TLN2: variants seen among roughly 807,000 people sequenced by gnomAD.
The protein encoded by TLN2 is talin 2.
TLN2 carries 118 observed loss-of-function variants against 294.7 expected under a neutral mutation model. That is an observed-to-expected ratio of 0.40 (90% CI 0.34 to 0.47). TLN2 has a LOEUF of 0.47. Ranked by LOEUF, TLN2 falls within the 20% of genes least tolerant of loss-of-function variation. TLN2 has a pLI of 0.84. For synonymous variants in TLN2, 1,431 were observed against 1,304.5 expected (o/e 1.10, Z -2.09); for missense variants, 3,083 against 3,282.2 (o/e 0.94, Z 1.48).
intron 1 of TLN2, among the ~76,000 whole-genome samples, chr15:62,445,158 G>A (rs950270351): frequency 9.2e-5 from 14 of 152,124 alleles, no homozygotes; most frequent in African/African-American, 3.4e-4. Context: ...CTGTTGAAAT[G>A]CCCAGGCTGC....
intron 46 of TLN2, among the ~76,000 whole-genome samples, chr15:62,795,145 A>G (rs2065378115): frequency 6.6e-6 from 1 of 151,980 alleles, no homozygotes. Context: ...GAGGCACAGG[A>G]TGATACATCC....
At chr15:62,668,095 T>C (rs1007152574) in intron 9 of TLN2, among the ~76,000 whole-genome samples, 2 of 152,118 alleles carry the variant, frequency 1.3e-5, no homozygotes, top group Non-Finnish European at 2.9e-5. Context: ...CAGGCTCAGT[T>C]ACATAGCATA....
intron 57 of TLN2, 35 bp from the exon 58 acceptor site, chr15:62,838,821 C>G (rs1192829491): frequency 6.2e-7 from 1 of 1,606,020 alleles, no homozygotes; most frequent in Non-Finnish European, 8.5e-7. Context: ...ATGGCTGTTT[C>G]TAATGATATA....
chr15:62,667,086 C>T (rs1156884399), intron 9 of TLN2, among the ~76,000 whole-genome samples: 2 of 152,228 alleles, frequency 1.3e-5, no homozygotes, highest in Non-Finnish European at 2.9e-5. Context: ...CTGCCTCAGC[C>T]TCCCGAGTAG....
chr15:62,833,783 C>G, intron 55 of TLN2, 154 bp downstream of exon 55: 1 of 1,105,536 alleles, frequency 9.0e-7, no homozygotes, highest in Non-Finnish European at 1.2e-6. Flanking sequence ...CGACTGAAAA[C>G]TACAGCCTTC....
chr15:62,662,347 A>G (rs1270691087), intron 9 of TLN2, among the ~76,000 whole-genome samples: 2 of 152,214 alleles, frequency 1.3e-5, no homozygotes, highest in African/African-American at 2.4e-5. Flanking sequence ...TCAAAAAACA[A>G]CAAACACTAG....
chr15:62,837,631 T>C (rs2069888234), intron 57 of TLN2, among the ~76,000 whole-genome samples: 1 of 152,204 alleles, frequency 6.6e-6, no homozygotes, highest in African/African-American at 2.4e-5. Context: ...TCCCTGGGGC[T>C]AGATGGACCT....
intron 2 of TLN2, among the ~76,000 whole-genome samples, chr15:62,591,079 G>A (rs2046042260): frequency 6.6e-6 from 1 of 151,968 alleles, no homozygotes; most frequent in East Asian, 1.9e-4. Flanking sequence ...TGTATTTTGT[G>A]TGTGGAATTT....
At chr15:62,745,749 A>G (rs2061573660) in intron 32 of TLN2, among the ~76,000 whole-genome samples, 1 of 152,210 alleles carries the variant, frequency 6.6e-6, no homozygotes, top group South Asian at 2.1e-4. Context: ...TTGCTCTTAT[A>G]AATAGCTGCT....
At chr15:62,595,486 A>C (rs4774440) in intron 2 of TLN2, among the ~76,000 whole-genome samples, 27,918 of 151,692 alleles carry the variant, frequency 0.18, 3,218 homozygotes, top group East Asian at 0.41. Context: ...ATGCTTGTAC[A>C]TCACTGGAAA....
chr15:62,612,943 T>C (rs557102856), intron 2 of TLN2, among the ~76,000 whole-genome samples: 3 of 152,350 alleles, frequency 2.0e-5, no homozygotes, highest in African/African-American at 7.2e-5. Flanking sequence ...ATGCCAGAGA[T>C]AGTTCACAGG....
At chr15:62,414,558 G>A (rs12595112) in intron 1 of TLN2, among the ~76,000 whole-genome samples, 26,467 of 139,794 alleles carry the variant, frequency 0.19, 6,210 homozygotes, top group East Asian at 0.55. Context: ...AGGAACCGTT[G>A]TTTTAACAAG....
chr15:62,667,918 C>A (rs112543311), intron 9 of TLN2, among the ~76,000 whole-genome samples: 39 of 152,274 alleles, frequency 2.6e-4, no homozygotes, highest in African/African-American at 9.1e-4. Context: ...ACCTAGAGGA[C>A]ATTATTATGT....
At chr15:62,664,710 T>C (rs1000004833) in intron 9 of TLN2, among the ~76,000 whole-genome samples, 1 of 151,410 alleles carries the variant, frequency 6.6e-6, no homozygotes, top group Non-Finnish European at 1.5e-5. Context: ...GATACAAAAT[T>C]AGCTGGGCGT....
intron 3 of TLN2, among the ~76,000 whole-genome samples, chr15:62,646,288 G>A (rs1042943079): frequency 3.3e-5 from 5 of 151,718 alleles, no homozygotes; most frequent in Admixed American, 6.6e-5. Flanking sequence ...TCAGCCTCCC[G>A]AGTAGCTGGG....
chr15:62,538,964 A>G (rs908450160), intron 1 of TLN2, among the ~76,000 whole-genome samples: 6 of 152,216 alleles, frequency 3.9e-5, no homozygotes, highest in African/African-American at 1.2e-4. Flanking sequence ...TAAAATGTAA[A>G]AGATCTTAAA....
At chr15:62,746,264 A>G (rs2061603659) in intron 32 of TLN2, among the ~76,000 whole-genome samples, 1 of 152,210 alleles carries the variant, frequency 6.6e-6, no homozygotes, top group Non-Finnish European at 1.5e-5. Flanking sequence ...AGCCTATCTC[A>G]GAAGCGTGTC....
chr15:62,448,844 C>A (rs1225819223), intron 1 of TLN2, among the ~76,000 whole-genome samples: 1 of 152,154 alleles, frequency 6.6e-6, no homozygotes, highest in East Asian at 1.9e-4. Context: ...GCAGCTCATC[C>A]CATCAGGAGG....
chr15:62,650,726 G>C (rs2052496659), intron 5 of TLN2, among the ~76,000 whole-genome samples: 1 of 152,160 alleles, frequency 6.6e-6, no homozygotes, highest in South Asian at 2.1e-4. Flanking sequence ...CAAGATACCG[G>C]GTTTTGGTAT....
Sources: allele counts gnomAD v4.1 joint callset (sites outside exome capture counted in the v4.1 genomes callset), GRCh38; gene constraint gnomAD v4.1.1; transcripts MANE v1.5; gene names NCBI Gene and HGNC (gene_info 2026-07-23, HGNC 2026-07-21).